FLYWCH1: variants seen among roughly 807,000 people sequenced by gnomAD.
The protein encoded by FLYWCH1 is FLYWCH-type zinc finger-containing protein 1.
A neutral mutation model predicts 66.4 loss-of-function variants in FLYWCH1; 75 were observed. The observed-to-expected ratio is 1.13, with a 90% CI of 0.94 to 1.37. The LOEUF is 1.37. Ranked by LOEUF, FLYWCH1 falls within the 40% of genes most tolerant of loss-of-function variation. The pLI, the probability that FLYWCH1 is intolerant of heterozygous loss-of-function variation, is 0.00. For synonymous variants in FLYWCH1, 595 were observed against 429.9 expected (o/e 1.38, Z -4.75); for missense variants, 1,334 against 1,001.8 (o/e 1.33, Z -4.48).
At chr16:2,915,645 C>T (rs916311944) in intron 2 of FLYWCH1, among the ~76,000 whole-genome samples, 1 of 152,024 alleles carries the variant, frequency 6.6e-6, no homozygotes, top group South Asian at 2.1e-4. Context: ...CAGTGGTTCA[C>T]GCCTGTAATC....
chr16:2,941,884 G>C (rs28809003), intron 9 of FLYWCH1, among the ~76,000 whole-genome samples: 39,819 of 150,182 alleles, frequency 0.27, 6,443 homozygotes, highest in African/African-American at 0.43. Flanking sequence ...AGCCAGGCGT[G>C]GTGGTGGGAG....
chr16:2,925,326 C>T (rs1263144305), intron 2 of FLYWCH1, among the ~76,000 whole-genome samples: 2 of 152,062 alleles, frequency 1.3e-5, no homozygotes, highest in Non-Finnish European at 2.9e-5. Context: ...GGAACTGCCA[C>T]GTCCATCGTC....
chr16:2,937,534 T>A, intron 7 of FLYWCH1, 150 bp downstream of exon 7: 2 of 969,316 alleles, frequency 2.1e-6, no homozygotes, highest in South Asian at 2.4e-5. Context: ...GGAGGCTCCA[T>A]CTGCGGGCTC....
chr16:2,918,707 C>T (rs1451255659), intron 2 of FLYWCH1, among the ~76,000 whole-genome samples: 2 of 152,164 alleles, frequency 1.3e-5, no homozygotes, highest in Non-Finnish European at 2.9e-5. Flanking sequence ...TCCCAAAGTG[C>T]TGGGATTAGA....
intron 2 of FLYWCH1, among the ~76,000 whole-genome samples, chr16:2,929,074 G>C (rs1198658567): frequency 6.6e-6 from 1 of 152,178 alleles, no homozygotes; most frequent in Non-Finnish European, 1.5e-5. Context: ...CTGCGTACCA[G>C]GCCCACATGC....
chr16:2,929,770 A>T lies in FLYWCH1; in HGVS notation c.85A>T (p.Ile29Phe), dbSNP rs2070696262. The change falls in exon 3 of 10, where the codon ATC becomes TTC. Residue 29 changes from isoleucine (I) to phenylalanine (F), a missense_variant. By Grantham distance (21) the Ile-to-Phe change is conservative (BLOSUM62 0). Coordinates refer to ENST00000253928, the MANE Select transcript of FLYWCH1 (RefSeq NM_001308068.2). ...ATCCCCCAAGCCAGGCACGGACGTC[A>T]TCCCGGCAGCCCCCAGGAAGCCCAG... Reference protein sequence around the residue: ...EPSPKPGTDVIPAAPRKPREF... With the variant: ...EPSPKPGTDVFPAAPRKPREF... 2 of 1,613,898 alleles carry T rather than the reference A, an allele frequency of 1.2e-6. No homozygotes were observed. Among genetic ancestry groups the T allele is most frequent in the Middle Eastern group, 1.6e-4 (1 of 6,062 alleles).
chr16:2,934,091 G>A lies in FLYWCH1; in HGVS notation c.1513+112G>A. ...TGGCAAACGTCCTCTTCCCTTCTTT[G>A]AACATCCTAGAAGGAACTATGGCCC... On this transcript the variant is annotated intron_variant, in intron 6 of 9. Transcript: ENST00000253928. 3 of 1,290,042 alleles carry A rather than the reference G, an allele frequency of 2.3e-6. No homozygotes were observed. In the South Asian group the frequency reaches 4.6e-5, roughly 20 times the overall value. The allele number at this position is 1,290,042 out of a possible 1,614,324, so 79.9% of individuals were successfully genotyped here.
intron 1 of FLYWCH1, chr16:2,913,157 G>A (rs2070049097): frequency 6.6e-6 from 1 of 152,198 alleles, no homozygotes; most frequent in African/African-American, 2.4e-5. Context: ...TAGGAAGAGT[G>A]ACCTGTCAGC....
intron 9 of FLYWCH1, among the ~76,000 whole-genome samples, chr16:2,946,553 C>A (rs1470844822): frequency 1.3e-5 from 2 of 152,060 alleles, no homozygotes; most frequent in South Asian, 4.1e-4. Flanking sequence ...GTACTCTTGA[C>A]CTCAGGTGAT....
rs1396346276 is a variant in FLYWCH1, at chr16:2,933,127, T to C, written c.797-3T>C. 1.9e-6 allele frequency: 3 copies of C among 1,611,590 alleles called. No individual in the cohort carries two copies. The highest frequency in any genetic ancestry group is 2.2e-5 in the South Asian group (2 of 90,746). On this transcript the variant is annotated splice_region_variant and splice_polypyrimidine_tract_variant and intron_variant, in intron 4 of 9. Coordinates refer to ENST00000253928, the MANE Select transcript of FLYWCH1 (RefSeq NM_001308068.2). ...GATGTGACCACTTGGGTCTCTCCTC[T>C]AGGACAGGCCCGGCCCCTCGAGTTC...
intron 4 of FLYWCH1, among the ~76,000 whole-genome samples, chr16:2,931,249 G>A (rs1353983742): frequency 5.8e-5 from 8 of 139,034 alleles, no homozygotes; most frequent in Non-Finnish European, 1.1e-4. Context: ...GTTGCAGTAA[G>A]CCCAGATCGC....
intron 4 of FLYWCH1, 50 bp from the exon 5 acceptor site, chr16:2,933,080 T>A: frequency 6.5e-7 from 1 of 1,529,804 alleles, no homozygotes; most frequent in Non-Finnish European, 8.9e-7. Context: ...CTGTCCCTCC[T>A]GGGCTCCTCT....
At chr16:2,918,629 C>T (rs912995616) in intron 2 of FLYWCH1, among the ~76,000 whole-genome samples, 3 of 151,456 alleles carry the variant, frequency 2.0e-5, no homozygotes, top group Non-Finnish European at 2.9e-5. Context: ...TCAGTAGAGA[C>T]GGGGTTTCTC....
chr16:2,918,121 G>A (rs554471560), intron 2 of FLYWCH1, among the ~76,000 whole-genome samples: 1 of 149,262 alleles, frequency 6.7e-6, no homozygotes, highest in African/African-American at 2.5e-5. Context: ...TTAGAGGTAT[G>A]TGCCACTGTG....
At chr16:2,920,511 T>TAA (rs34684083) in intron 2 of FLYWCH1, among the ~76,000 whole-genome samples, 81 of 141,642 alleles carry the variant, frequency 5.7e-4, no homozygotes, top group Middle Eastern at 3.5e-3. Context: ...GACTCTGTCT[T>TAA]AAAAAAAAAA....
rs1393442394 is a variant in FLYWCH1 at position 2,929,805 on chromosome 16, C to T, written c.120C>T (p.Ser40=). The T allele has an allele frequency of 6.2e-7, 1 of 1,613,964 alleles. No homozygotes were observed. Among genetic ancestry groups the T allele is most frequent in the East Asian group, 2.2e-5 (1 of 44,880 alleles). The change falls in exon 3 of 10, where the codon TCC becomes TCT. Residue 40 remains serine (S), a synonymous_variant. Coordinates refer to ENST00000253928, the MANE Select transcript of FLYWCH1 (RefSeq NM_001308068.2). ...CCCCCAGGAAGCCCAGGGAGTTCTCCAAACTGGTGCTGCTCACAGCCTCCG... is the reference window on the plus strand; with the variant it reads ...CCCCCAGGAAGCCCAGGGAGTTCTCTAAACTGGTGCTGCTCACAGCCTCCG... ...PAAPRKPREF[S]KLVLLTASDQ...
At chr16:2,936,219 G>C in intron 6 of FLYWCH1, 1 of 352,954 alleles carries the variant, frequency 2.8e-6, no homozygotes, top group Non-Finnish European at 5.7e-6. Context: ...CCCCTTGCTG[G>C]ATATTTTCAT....
Position 2,933,876 on chromosome 16 carries a change from G to A in FLYWCH1, c.1410G>A (p.Arg470=). Residue 470 remains arginine (R), a synonymous_variant, in exon 6 of 10, where the codon CGG becomes CGA. Coordinates refer to ENST00000253928, the MANE Select transcript of FLYWCH1 (RefSeq NM_001308068.2). ...GCCGCGCCATCACCCAGGGCCGACG[G>A]GTGACTGTCATGCGTGGTCACTGCC... ...CRSRAITQGR[R]VTVMRGHCHP... 2 of 1,598,602 alleles carry A rather than the reference G, an allele frequency of 1.3e-6. No homozygotes were observed. The highest frequency in any genetic ancestry group is 1.1e-5 in the South Asian group (1 of 88,934).
rs753916698 is a variant in FLYWCH1 at position 2,933,557 on chromosome 16, G to GC, written c.1225dup (p.His409ProfsTer12). On this transcript the variant is annotated frameshift_variant, in exon 5 of 10. Transcript: ENST00000253928. LOFTEE classifies it high-confidence loss of function. ...CAACCCAGCCCGAGGCCCCAGACGA[G>GC]CACCAGGACATGGACGCAGACCCGG... 1.2e-6 allele frequency: 2 copies of GC among 1,603,062 alleles called. No individual in the cohort carries two copies. Among genetic ancestry groups the GC allele is most frequent in the Non-Finnish European group, 1.7e-6 (2 of 1,174,540 alleles).
Sources: gnomAD v4.1 joint callset for allele counts (sites outside exome capture counted in the v4.1 genomes callset) on GRCh38, gnomAD v4.1.1 for gene constraint, MANE v1.5 for transcripts, NCBI Gene and HGNC (gene_info 2026-07-23, HGNC 2026-07-21) for gene names.